Variants in DPH6 observed in about 807,000 individuals in gnomAD.
DPH6 encodes the protein diphthamine biosynthesis 6, also known as diphthine--ammonia ligase.
A neutral mutation model predicts 38.2 loss-of-function variants in DPH6; 33 were observed. That is an observed-to-expected ratio of 0.86 (90% CI 0.65 to 1.15). The LOEUF is 1.15. DPH6 is among the 50% of genes most tolerant of loss of function. The pLI is 0.00. For synonymous variants in DPH6, 108 were observed against 103.0 expected, an observed-to-expected ratio of 1.05 and a Z score of -0.30; for missense variants, 325 against 320.0, an observed-to-expected ratio of 1.02 and a Z score of -0.12.
chr15:35,207,203 T>C, the DPH6 span, among the ~76,000 whole-genome samples: 1 of 151,818 alleles, frequency 6.6e-6, no homozygotes, highest in East Asian at 1.9e-4. Context: ...TGTGCCACCA[T>C]GCCCAGCTAA....
the DPH6 span, among the ~76,000 whole-genome samples, chr15:35,147,719 T>C: frequency 6.6e-6 from 1 of 152,216 alleles, no homozygotes; most frequent in Non-Finnish European, 1.5e-5. Context: ...ATCTGAATTA[T>C]CTGTGGGTAG....
At chr15:35,279,048 C>CAAA (rs71123126) in intron 3 of DPH6, among the ~76,000 whole-genome samples, 724 of 70,090 alleles carry the variant, frequency 0.01, 17 homozygotes, top group African/African-American at 0.025. Context: ...GACTCTGTCT[C>CAAA]AAAAAAAAAA....
intron 3 of DPH6, chr15:35,490,147 C>T: frequency 1.0e-6 from 1 of 985,334 alleles, no homozygotes; most frequent in Non-Finnish European, 1.2e-6. Flanking sequence ...TTAATTTGTA[C>T]TTCACTTACA....
At chr15:35,522,111 A>C in intron 3 of DPH6, 1 of 1,612,970 alleles carries the variant, frequency 6.2e-7, no homozygotes. Flanking sequence ...CACATTTTGC[A>C]ATCTCACTGA....
In DPH6 at chr15:35,504,899, T is replaced by C. The variant is rs77637923; in HGVS notation, c.312+33375A>G. ...GAGGAAATAATAAAACATATCAAAG[T>C]AAAAAAAGGTCCGAAATATTAGGCC... On this transcript the variant is annotated intron_variant, in intron 3 of 8. Coordinates refer to ENST00000256538, the MANE Select transcript of DPH6 (RefSeq NM_080650.4). 9.8e-3 allele frequency among the ~76,000 whole-genome samples: 1,489 copies of C among 151,784 alleles called. 14 individuals carry two copies. Among genetic ancestry groups the C allele is most frequent in the Non-Finnish European group, 0.014 (944 of 67,878 alleles).
chr15:35,228,124 A>G (rs1292603970), intron 3 of DPH6, among the ~76,000 whole-genome samples: 1 of 152,200 alleles, frequency 6.6e-6, no homozygotes, highest in Non-Finnish European at 1.5e-5. Context: ...TTCTGTAAAT[A>G]TCTGTTAGAT....
At chr15:35,346,703 C>T (rs989459710) in intron 3 of DPH6, among the ~76,000 whole-genome samples, 1 of 151,978 alleles carries the variant, frequency 6.6e-6, no homozygotes, top group Non-Finnish European at 1.5e-5. Context: ...AAGAGGAATG[C>T]TTAGGTCATT....
the DPH6 span, among the ~76,000 whole-genome samples, chr15:35,191,455 T>C: frequency 1.3e-5 from 2 of 152,116 alleles, no homozygotes; most frequent in Non-Finnish European, 2.9e-5. Flanking sequence ...CCTATGAACA[T>C]CTCCATTTCA....
chr15:35,331,190 C>T (rs2052324730), intron 3 of DPH6: 1 of 152,162 alleles, frequency 6.6e-6, no homozygotes, highest in African/African-American at 2.4e-5. Flanking sequence ...GAAAAAATAA[C>T]ATCCTGTAGA....
the DPH6 span, among the ~76,000 whole-genome samples, chr15:35,209,325 A>G: frequency 0.012 from 1,858 of 152,252 alleles, 52 homozygotes; most frequent in African/African-American, 0.043. Flanking sequence ...CAATTGTTTA[A>G]CTTAAAAGTC....
At chr15:35,420,830 T>G (rs1019958322) in intron 5 of DPH6, among the ~76,000 whole-genome samples, 7 of 152,076 alleles carry the variant, frequency 4.6e-5, no homozygotes, top group African/African-American at 1.7e-4. Flanking sequence ...TGAGCTGTTT[T>G]GAAAAGCTAA....
At chr15:35,303,746 T>A (rs950475187) in intron 3 of DPH6, among the ~76,000 whole-genome samples, 3 of 151,754 alleles carry the variant, frequency 2.0e-5, no homozygotes, top group Admixed American at 1.3e-4. Context: ...CTTCATTTGA[T>A]ATTCTATATT....
intron 3 of DPH6, among the ~76,000 whole-genome samples, chr15:35,319,129 A>C (rs1304428709): frequency 6.6e-6 from 1 of 152,184 alleles, no homozygotes; most frequent in Non-Finnish European, 1.5e-5. Context: ...AGAGACCATC[A>C]CCAATCTTCA....
At position 35,429,520 on chromosome 15, in the gene DPH6, G is replaced by GA. The variant is rs2053607435; in HGVS notation, c.506-18625dup. Among the ~76,000 whole-genome samples, 3 of 152,192 alleles carry GA rather than the reference G, an allele frequency of 2.0e-5. No homozygotes were observed. The South Asian group carries it at 6.2e-4, about 32-fold the overall frequency. ...CATTCAAATAGCTGTTTAAAAGAGT[G>GA]AAAAGTGTTGAATAAAGAAATAATG... On this transcript the variant is annotated intron_variant, in intron 5 of 8. Coordinates refer to ENST00000256538, the MANE Select transcript of DPH6 (RefSeq NM_080650.4).
the DPH6 span, among the ~76,000 whole-genome samples, chr15:35,152,588 C>T: frequency 6.6e-6 from 1 of 152,184 alleles, no homozygotes; most frequent in South Asian, 2.1e-4. Flanking sequence ...CAACCTCCAC[C>T]TCCCAGGTTC....
chr15:35,222,726 T>C (rs1400311170), intron 3 of DPH6, among the ~76,000 whole-genome samples: 7 of 152,122 alleles, frequency 4.6e-5, no homozygotes, highest in African/African-American at 1.7e-4. Flanking sequence ...CAGATACGCA[T>C]TTGTCTCAGG....
intron 6 of DPH6, 113 bp from the exon 7 acceptor site, chr15:35,382,029 T>C (rs2052874100): frequency 1.3e-6 from 1 of 750,242 alleles, no homozygotes; most frequent in South Asian, 1.8e-5. Context: ...CCAAAATAGT[T>C]TGCAAGGTAA....
intron 3 of DPH6, among the ~76,000 whole-genome samples, chr15:35,461,480 G>A (rs2054066280): frequency 6.6e-6 from 1 of 152,200 alleles, no homozygotes; most frequent in African/African-American, 2.4e-5. Context: ...GCAACTGGGA[G>A]TGCATGGGAG....
chr15:35,341,530 T>C (rs567446438), intron 3 of DPH6, among the ~76,000 whole-genome samples: 1 of 152,316 alleles, frequency 6.6e-6, no homozygotes, highest in Non-Finnish European at 1.5e-5. Context: ...TTGAGGTTGC[T>C]GATGTTTGAA....
Sources: gnomAD v4.1 joint callset for allele counts (sites outside exome capture counted in the v4.1 genomes callset) on GRCh38, gnomAD v4.1.1 for gene constraint, MANE v1.5 for transcripts, NCBI Gene and HGNC (gene_info 2026-07-23, HGNC 2026-07-21) for gene names.